The following PRELID2 variants were observed in gnomAD, a reference collection of about 807,000 sequenced individuals.
PRELID2 encodes the protein PRELI domain-containing protein 2.
In PRELID2, 25 loss-of-function variants were observed where a neutral mutation model predicts 28.4. The ratio of observed to expected loss-of-function variants is 0.88; its 90% CI spans 0.64 to 1.23. PRELID2 has a LOEUF of 1.23. Ranked by LOEUF, PRELID2 falls within the 50% of genes most tolerant of loss-of-function variation. The pLI, the probability that PRELID2 is intolerant of heterozygous loss-of-function variation, is 0.00. For missense variants in PRELID2, 201 were observed against 214.4 expected (o/e 0.94, Z 0.39); for synonymous variants, 76 against 71.6 (o/e 1.06, Z -0.31).
At chr5:145,653,234 ACC>A (rs974488538) in intron 1 of PRELID2, among the ~76,000 whole-genome samples, 1 of 152,230 alleles carries the variant, frequency 6.6e-6, no homozygotes, top group Non-Finnish European at 1.5e-5. Context: ...ATACAGGAGC[ACC>A]CAGATTTATA....
the PRELID2 span, among the ~76,000 whole-genome samples, chr5:145,395,683 A>G: frequency 3.3e-5 from 5 of 152,234 alleles, no homozygotes; most frequent in African/African-American, 1.2e-4. Context: ...TTTTCTCCAC[A>G]TTTGTTGTTA....
the PRELID2 span, among the ~76,000 whole-genome samples, chr5:145,416,329 G>C: frequency 6.6e-6 from 1 of 151,938 alleles, no homozygotes; most frequent in African/African-American, 2.4e-5. Context: ...AGAAAACCTA[G>C]GCATTACCAT....
chr5:145,315,778 G>C, the PRELID2 span, among the ~76,000 whole-genome samples: 10 of 152,152 alleles, frequency 6.6e-5, no homozygotes, highest in African/African-American at 2.4e-4. Context: ...GGAATGGAAG[G>C]CAATGAAAAT....
chr5:145,596,759 T>C (rs112375021), intron 1 of PRELID2, among the ~76,000 whole-genome samples: 151 of 152,288 alleles, frequency 9.9e-4, no homozygotes, highest in African/African-American at 3.5e-3. Flanking sequence ...GAGAAGTCAG[T>C]CTTCAAAATA....
At chr5:145,392,052 T>C in the PRELID2 span, among the ~76,000 whole-genome samples, 2 of 152,136 alleles carry the variant, frequency 1.3e-5, no homozygotes, top group Admixed American at 1.3e-4. Flanking sequence ...TTCAAACTGT[T>C]CCGACCTCTG....
At chr5:145,519,829 A>T (rs1054090105) in intron 1 of PRELID2, among the ~76,000 whole-genome samples, 1 of 152,360 alleles carries the variant, frequency 6.6e-6, no homozygotes, top group East Asian at 1.9e-4. Flanking sequence ...AAAATTAAAT[A>T]AAACGGGAGG....
chr5:145,689,089 G>A (rs1386649985), intron 1 of PRELID2, among the ~76,000 whole-genome samples: 3 of 152,156 alleles, frequency 2.0e-5, no homozygotes, highest in Non-Finnish European at 4.4e-5. Flanking sequence ...AAGAGAAGAG[G>A]TTGGTATTAT....
chr5:145,309,166 T>C, the PRELID2 span, among the ~76,000 whole-genome samples: 5 of 152,228 alleles, frequency 3.3e-5, no homozygotes, highest in Non-Finnish European at 5.9e-5. Flanking sequence ...ATCTCTCCTA[T>C]GTATTTGTAA....
intron 1 of PRELID2, among the ~76,000 whole-genome samples, chr5:145,564,939 A>G (rs1244568065): frequency 6.6e-6 from 1 of 152,150 alleles, no homozygotes; most frequent in Admixed American, 6.5e-5. Flanking sequence ...TCCCGGATGA[A>G]GTGACACCCC....
intron 1 of PRELID2, among the ~76,000 whole-genome samples, chr5:145,737,592 A>C (rs1385209042): frequency 6.6e-6 from 1 of 152,230 alleles, no homozygotes; most frequent in Non-Finnish European, 1.5e-5. Flanking sequence ...AACAGCAACA[A>C]GCACAGATAA....
chr5:145,523,483 A>C (rs1221051247), intron 1 of PRELID2, among the ~76,000 whole-genome samples: 2 of 152,134 alleles, frequency 1.3e-5, no homozygotes, highest in Non-Finnish European at 2.9e-5. Flanking sequence ...TAAACAACAA[A>C]AATTTATTTC....
At chr5:145,335,843 C>G in the PRELID2 span, among the ~76,000 whole-genome samples, 113 of 152,194 alleles carry the variant, frequency 7.4e-4, no homozygotes, top group African/African-American at 2.1e-3. Context: ...CTGAGGAATC[C>G]CCACACTGAC....
At position 145,757,963 on chromosome 5, in the gene PRELID2, T is replaced by C. The variant is rs1256438951; in HGVS notation, c.*2573A>G. On this transcript the variant is annotated 3_prime_UTR_variant, in exon 7 of 7. Coordinates refer to ENST00000683046, the MANE Select transcript of PRELID2 (RefSeq NM_205846.3). ...ATGAGGAGGAAGATACATCTAAAAG[T>C]AGTCTTAGAGGAGAGGCAGAATAAA... 6.6e-6 allele frequency among the ~76,000 whole-genome samples: 1 copy of C among 152,062 alleles called. No individual in the cohort carries two copies. Among genetic ancestry groups the C allele is most frequent in the Non-Finnish European group, 1.5e-5 (1 of 68,020 alleles).
chr5:145,320,848 A>C, the PRELID2 span, among the ~76,000 whole-genome samples: 1 of 152,208 alleles, frequency 6.6e-6, no homozygotes, highest in Non-Finnish European at 1.5e-5. Context: ...TTTGACTTAA[A>C]AAGTTAACTC....
intron 1 of PRELID2, among the ~76,000 whole-genome samples, chr5:145,833,064 C>G (rs1755710311): frequency 6.6e-6 from 1 of 152,142 alleles, no homozygotes; most frequent in African/African-American, 2.4e-5. Flanking sequence ...CTGCGGTGAC[C>G]TCCCACATTT....
chr5:145,455,729 G>T, the PRELID2 span, among the ~76,000 whole-genome samples: 9 of 152,160 alleles, frequency 5.9e-5, no homozygotes, highest in Non-Finnish European at 1.3e-4. Context: ...GTTCACTCAT[G>T]ATTTGGTTTT....
intron 6 of PRELID2, among the ~76,000 whole-genome samples, chr5:145,761,492 CTA>C (rs1175111409): frequency 1.3e-5 from 2 of 152,186 alleles, no homozygotes; most frequent in African/African-American, 4.8e-5. Flanking sequence ...AACTGTCAAA[CTA>C]TAAACTTTAG....
chr5:145,653,880 G>A (rs1016583046), intron 1 of PRELID2, among the ~76,000 whole-genome samples: 12 of 151,972 alleles, frequency 7.9e-5, no homozygotes, highest in Non-Finnish European at 1.0e-4. Context: ...CTAGCAGAAG[G>A]CAAGAAATAA....
At chr5:145,415,755 C>T in the PRELID2 span, among the ~76,000 whole-genome samples, 6 of 151,922 alleles carry the variant, frequency 3.9e-5, no homozygotes, top group Non-Finnish European at 5.9e-5. Context: ...GTGCATGTGT[C>T]TTTATAGCAG....
Sources: gnomAD v4.1 joint callset for allele counts (sites outside exome capture counted in the v4.1 genomes callset) on GRCh38, gnomAD v4.1.1 for gene constraint, MANE v1.5 for transcripts, NCBI Gene and HGNC (gene_info 2026-07-23, HGNC 2026-07-21) for gene names.